Variants in FAM91A1 observed in about 807,000 individuals in gnomAD.
FAM91A1 encodes the protein protein FAM91A1.
A neutral mutation model predicts 113.5 loss-of-function variants in FAM91A1; 41 were observed. The observed-to-expected ratio is 0.36, with a 90% confidence interval of 0.28 to 0.47. The LOEUF (loss-of-function observed/expected upper bound fraction) is 0.47. Among genes scored for constraint, FAM91A1 ranks in the 20% least tolerant of loss-of-function variants. The pLI is 1.00. For missense variants in FAM91A1, 696 were observed against 1,001.2 expected (o/e 0.70, Z 4.11); for synonymous variants, 307 against 347.9 (o/e 0.88, Z 1.31).
rs1815650592 is a variant in FAM91A1 at position 123,800,663 on chromosome 8, T to C, written c.1809+778T>C. On this transcript the variant is annotated intron_variant, in intron 18 of 23. Transcript: ENST00000334705. ...TTGTATCCTTTAGTGATCACTCTTC[T>C]ATTTTCTCCCCGCTACTCATCTCCT... Among the ~76,000 whole-genome samples the C allele has an allele frequency of 2.0e-5, 3 of 152,188 alleles. No individual in the cohort carries two copies. The South Asian group carries it at 6.2e-4, about 31-fold the overall frequency.
Position 123,768,689 on chromosome 8 carries a change from C to CTTAAAAAA in FAM91A1, c.-13_-12insTAAAAAAT. ...GCGGTGGCGGCCCCGGCCGCCGGCC[C>CTTAAAAAA]TGGCCGCGGCATCATGAACATAGAC... On this transcript the variant is annotated 5_prime_UTR_variant, in exon 1 of 24. It adds an upstream start codon to the 5' untranslated region. Transcript: ENST00000334705. The CTTAAAAAA allele has an allele frequency of 6.5e-7, 1 of 1,548,418 alleles. No individual in the cohort carries two copies. Among genetic ancestry groups the CTTAAAAAA allele is most frequent in the Non-Finnish European group, 8.7e-7 (1 of 1,150,146 alleles).
chr8:123,795,516 T>C (rs1383849937), intron 15 of FAM91A1, among the ~76,000 whole-genome samples: 1 of 152,126 alleles, frequency 6.6e-6, no homozygotes, highest in Non-Finnish European at 1.5e-5. Context: ...CCTTTCACCT[T>C]CTGCCATGAT....
intron 1 of FAM91A1, among the ~76,000 whole-genome samples, chr8:123,771,650 ATAAT>A (rs1047456395): frequency 2.0e-5 from 3 of 152,312 alleles, no homozygotes; most frequent in East Asian, 1.9e-4. Flanking sequence ...TTTATCCAAA[ATAAT>A]TAATAGCCCT....
Position 123,775,136 on chromosome 8 carries a change from C to T in FAM91A1, c.158-11C>T, listed in dbSNP as rs750707539. 18 of 1,576,128 alleles carry T rather than the reference C, an allele frequency of 1.1e-5. No individual in the cohort carries two copies. Among genetic ancestry groups the T allele is most frequent in the Non-Finnish European group, 1.5e-5 (17 of 1,159,930 alleles). On this transcript the variant is annotated splice_polypyrimidine_tract_variant and intron_variant, in intron 2 of 23. Transcript: ENST00000334705. ...CTGAAAAAAACTGGAGAATTTCCCT[C>T]TTTTGTGCAGTTAAACATGTCAAGA...
In FAM91A1 at chr8:123,778,698, A is replaced by G. The variant is rs1436221774; in HGVS notation, c.475A>G (p.Ile159Val). ...RRKTARDLLP[I>V]KPVEIAIEAW... ...GAAAACAGCCCGTGATCTTCTACCA[A>G]TAAAGCCAGTGGAAATTGCCATAGA... Residue 159 changes from isoleucine to valine, a missense_variant, in exon 6 of 24, where the codon ATA (isoleucine) becomes GTA (valine). By Grantham distance (29) the Ile-to-Val change is conservative (BLOSUM62 3). Transcript: ENST00000334705. The G allele has an allele frequency of 1.2e-6, 2 of 1,610,300 alleles. No individual in the cohort carries two copies. The highest frequency in any genetic ancestry group is 1.7e-6 in the Non-Finnish European group (2 of 1,178,930).
At chr8:123,804,490 T>TAAAAAAA (rs57808944) in intron 18 of FAM91A1, among the ~76,000 whole-genome samples, 3 of 73,834 alleles carry the variant, frequency 4.1e-5, no homozygotes, top group Admixed American at 1.7e-4. Flanking sequence ...GACTCTGTTT[T>TAAAAAAA]AAAAAAAAAA....
chr8:123,768,443 C>T lies in FAM91A1; in HGVS notation c.-260C>T. The stretch of plus-strand genomic sequence containing the variant: ...GGGCGGAAGTGACGTGTGCCCAGAG[C>T]CATTTCCGGCGGCCCGAAACTAGGA... On this transcript the variant is annotated 5_prime_UTR_variant, in exon 1 of 24. Coordinates refer to ENST00000334705, the MANE Select transcript of FAM91A1 (RefSeq NM_144963.4). 2.4e-6 allele frequency: 1 copy of T among 411,610 alleles called. No individual in the cohort carries two copies. The highest frequency in any genetic ancestry group is 4.0e-5 in the East Asian group (1 of 24,728). The allele number at this position is 411,610 out of a possible 1,614,324, so 25.5% of individuals were successfully genotyped here. A position where few individuals can be genotyped will look rare whatever the true frequency, so the allele number is the denominator to read the frequency against.
At chr8:123,810,397 A>G (rs1239767226) in intron 23 of FAM91A1, 46 bp downstream of exon 23, 5 of 1,511,938 alleles carry the variant, frequency 3.3e-6, no homozygotes, top group Non-Finnish European at 4.6e-6. Flanking sequence ...CTGAGCTTTA[A>G]GTATGCACAA....
rs1029142797 is a variant in FAM91A1 at position 123,787,446 on chromosome 8, A to G, written c.1191+73A>G. 75 of 1,230,298 alleles carry G rather than the reference A, an allele frequency of 6.1e-5. 2 individuals carry two copies. Among genetic ancestry groups the G allele is most frequent in the South Asian group, 5.5e-4 (41 of 74,326 alleles). 76.2% of individuals were successfully genotyped at this position (1,230,298 alleles called of 1,614,324 possible). A position where few individuals can be genotyped will look rare whatever the true frequency, so the allele number is the denominator to read the frequency against. ...AGATATAAAATAATTTAATGCTTTTATATCTTTTTTAAAGTACTACATTTA... is the reference window on the plus strand; with the variant it reads ...AGATATAAAATAATTTAATGCTTTTGTATCTTTTTTAAAGTACTACATTTA... On this transcript the variant is annotated intron_variant, in intron 13 of 23. Transcript: ENST00000334705.
At chr8:123,784,681 G>A (rs1815209064) in intron 9 of FAM91A1, 105 bp downstream of exon 9, 1 of 687,232 alleles carries the variant, frequency 1.5e-6, no homozygotes, top group East Asian at 3.2e-5. Flanking sequence ...ATCTCCATGT[G>A]GGGAGATCAT....
chr8:123,784,953 A>G (rs1163407148), intron 9 of FAM91A1, 128 bp from the exon 10 acceptor site: 2 of 624,580 alleles, frequency 3.2e-6, no homozygotes, highest in African/African-American at 3.8e-5. Flanking sequence ...TGAATTCAAA[A>G]TTTATTCAGT....
At chr8:123,792,477 G>C (rs1184464569) in intron 15 of FAM91A1, among the ~76,000 whole-genome samples, 1 of 151,908 alleles carries the variant, frequency 6.6e-6, no homozygotes, top group African/African-American at 2.4e-5. Context: ...TTTCCCCCAG[G>C]TATCTTTGTC....
intron 1 of FAM91A1, among the ~76,000 whole-genome samples, 179 bp downstream of exon 1, chr8:123,768,953 A>G (rs890777933): frequency 5.3e-5 from 8 of 152,228 alleles, no homozygotes; most frequent in African/African-American, 1.9e-4. Flanking sequence ...CTGTGGGGCC[A>G]CAGGGCCAGG....
intron 15 of FAM91A1, among the ~76,000 whole-genome samples, chr8:123,797,515 T>C (rs766394650): frequency 5.3e-5 from 8 of 152,194 alleles, no homozygotes; most frequent in Non-Finnish European, 7.3e-5. Flanking sequence ...ACTGTGAAGA[T>C]GAGGAAGAAG....
chr8:123,769,313 T>G (rs1814783205), intron 1 of FAM91A1, among the ~76,000 whole-genome samples: 2 of 152,318 alleles, frequency 1.3e-5, no homozygotes, highest in South Asian at 4.1e-4. Context: ...AAAGTCATTT[T>G]ACAAAGCTTG....
intron 6 of FAM91A1, among the ~76,000 whole-genome samples, chr8:123,779,097 G>C (rs1815057724): frequency 6.6e-6 from 1 of 152,176 alleles, no homozygotes; most frequent in African/African-American, 2.4e-5. Flanking sequence ...CTGTGTGCTA[G>C]ATGTGCCAAG....
chr8:123,810,469 T>C, intron 23 of FAM91A1, 118 bp downstream of exon 23: 2 of 989,232 alleles, frequency 2.0e-6, no homozygotes, highest in Non-Finnish European at 1.6e-6. Flanking sequence ...ATTAATTTTA[T>C]TGTACAAATG....
Position 123,812,830 on chromosome 8 carries a change from G to A in FAM91A1, c.*126G>A, listed in dbSNP as rs889494508. 3 of 837,284 alleles carry A rather than the reference G, an allele frequency of 3.6e-6. No homozygotes were observed. The highest frequency in any genetic ancestry group is 5.2e-6 in the Non-Finnish European group (3 of 579,284). 51.9% of individuals were successfully genotyped at this position (837,284 alleles called of 1,614,324 possible). A position where few individuals can be genotyped will look rare whatever the true frequency, so the allele number is the denominator to read the frequency against. ...AATTCTTGCTTAACTAATATTAAAAGTTGGGGAACATATTCATGTTTTCTG... is the reference window on the plus strand; with the variant it reads ...AATTCTTGCTTAACTAATATTAAAAATTGGGGAACATATTCATGTTTTCTG... On this transcript the variant is annotated 3_prime_UTR_variant, in exon 24 of 24. Transcript: ENST00000334705.
At chr8:123,809,940 G>A (rs939425204) in intron 22 of FAM91A1, among the ~76,000 whole-genome samples, 3 of 152,178 alleles carry the variant, frequency 2.0e-5, no homozygotes, top group African/African-American at 7.2e-5. Flanking sequence ...TAAAGGTTGT[G>A]TCATAGTTGT....
Sources: gnomAD v4.1 joint callset for allele counts (sites outside exome capture counted in the v4.1 genomes callset) on GRCh38, gnomAD v4.1.1 for gene constraint, MANE v1.5 for transcripts, NCBI Gene and HGNC (gene_info 2026-07-23, HGNC 2026-07-21) for gene names.